GRIN2A: variants seen among roughly 807,000 people sequenced by gnomAD.
The protein encoded by GRIN2A is glutamate receptor ionotropic, NMDA 2A.
A neutral mutation model predicts 113.4 loss-of-function variants in GRIN2A; 22 were observed. The observed-to-expected ratio is 0.19, with a 90% CI of 0.14 to 0.28. GRIN2A has a LOEUF of 0.28. GRIN2A is among the 10% of genes least tolerant of loss of function. The probability of loss-of-function intolerance (pLI) is 1.00; values close to 1 mark genes in which losing one functional copy is unlikely to be tolerated. For synonymous variants in GRIN2A, 827 were observed against 738.4 expected (o/e 1.12, Z -1.94); for missense variants, 1,502 against 1,887.0 (o/e 0.80, Z 3.78).
At chr16:9,917,553 T>G (rs1353110481) in intron 3 of GRIN2A, among the ~76,000 whole-genome samples, 1 of 152,252 alleles carries the variant, frequency 6.6e-6, no homozygotes, top group East Asian at 1.9e-4. Context: ...AATGCACCAC[T>G]GTTCTACTGC....
In GRIN2A at chr16:10,062,142, T is replaced by A. The variant is rs566922386; in HGVS notation, c.414+117856A>T. On this transcript the variant is annotated intron_variant, in intron 2 of 12. Coordinates refer to ENST00000330684, the MANE Select transcript of GRIN2A (RefSeq NM_001134407.3). ...CGGTACTTGCTGACTTCTCCACTGA[T>A]GTACATACCTTCTTTATGGATTGCG... Among the ~76,000 whole-genome samples the A allele has an allele frequency of 2.0e-5, 3 of 152,300 alleles. No homozygotes were observed. In the South Asian group the frequency reaches 6.2e-4, roughly 32 times the overall value.
At chr16:9,917,043 C>A (rs141967692) in intron 3 of GRIN2A, among the ~76,000 whole-genome samples, 4 of 152,320 alleles carry the variant, frequency 2.6e-5, no homozygotes, top group African/African-American at 9.6e-5. Flanking sequence ...ACCTTATAAA[C>A]ACTAAAATAT....
At chr16:9,845,132 G>C (rs1026418000) in intron 5 of GRIN2A, among the ~76,000 whole-genome samples, 3 of 152,022 alleles carry the variant, frequency 2.0e-5, no homozygotes, top group African/African-American at 7.2e-5. Context: ...ATTTCATCCA[G>C]ACACAGTAAA....
At chr16:10,137,901 G>A (rs1453078906) in intron 2 of GRIN2A, among the ~76,000 whole-genome samples, 3 of 152,182 alleles carry the variant, frequency 2.0e-5, no homozygotes, top group African/African-American at 7.2e-5. Flanking sequence ...CCTAGATACT[G>A]AACATGATCT....
chr16:9,963,963 G>A (rs1377846272), intron 2 of GRIN2A, among the ~76,000 whole-genome samples: 2 of 152,188 alleles, frequency 1.3e-5, no homozygotes, highest in African/African-American at 4.8e-5. Flanking sequence ...CTAGTGGACA[G>A]ACAGACACAA....
At chr16:9,869,370 T>C in intron 4 of GRIN2A, among the ~76,000 whole-genome samples, 1 of 151,952 alleles carries the variant, frequency 6.6e-6, no homozygotes, top group South Asian at 2.1e-4. Context: ...GAGGAAGAGG[T>C]TGCAATGAGC....
At chr16:10,079,890 G>A (rs1484977742) in intron 2 of GRIN2A, among the ~76,000 whole-genome samples, 1 of 152,172 alleles carries the variant, frequency 6.6e-6, no homozygotes, top group Non-Finnish European at 1.5e-5. Context: ...ATTTTTATGT[G>A]TTTGTATCAG....
At chr16:9,920,727 C>T (rs562281065) in intron 3 of GRIN2A, among the ~76,000 whole-genome samples, 58 of 152,056 alleles carry the variant, frequency 3.8e-4, no homozygotes, top group Non-Finnish European at 6.8e-4. Context: ...CCACCACTCC[C>T]GGCTAATTTT....
chr16:9,817,772 C>G (rs948293332), intron 10 of GRIN2A, among the ~76,000 whole-genome samples: 6 of 152,216 alleles, frequency 3.9e-5, no homozygotes, highest in African/African-American at 1.2e-4. Context: ...CACAATTTCA[C>G]TGACCCTGGT....
chr16:9,942,931 A>G (rs1245205075), intron 2 of GRIN2A, among the ~76,000 whole-genome samples: 1 of 152,208 alleles, frequency 6.6e-6, no homozygotes, highest in Non-Finnish European at 1.5e-5. Context: ...TTTGCAAAAT[A>G]TAATTGCATA....
chr16:10,102,780 T>C (rs546079411), intron 2 of GRIN2A, among the ~76,000 whole-genome samples: 1 of 152,270 alleles, frequency 6.6e-6, no homozygotes, highest in South Asian at 2.1e-4. Flanking sequence ...AGGTAACTTG[T>C]CTAAGACCAC....
chr16:9,810,126 C>G (rs1773855093), intron 10 of GRIN2A, among the ~76,000 whole-genome samples: 1 of 152,140 alleles, frequency 6.6e-6, no homozygotes, highest in Non-Finnish European at 1.5e-5. Context: ...GACCAGGAGG[C>G]AGGGGATAGG....
intron 2 of GRIN2A, among the ~76,000 whole-genome samples, chr16:10,043,374 G>T (rs1047262642): frequency 6.6e-6 from 1 of 152,128 alleles, no homozygotes; most frequent in Admixed American, 6.5e-5. Context: ...AAGCACCCCA[G>T]GATTTGCTCA....
At chr16:10,081,479 A>G (rs2047981605) in intron 2 of GRIN2A, among the ~76,000 whole-genome samples, 1 of 152,234 alleles carries the variant, frequency 6.6e-6, no homozygotes, top group Non-Finnish European at 1.5e-5. Flanking sequence ...GGAAATGGCA[A>G]GAACAAGCAC....
intron 2 of GRIN2A, among the ~76,000 whole-genome samples, chr16:9,968,584 A>G (rs1463199997): frequency 1.3e-5 from 2 of 152,158 alleles, no homozygotes; most frequent in East Asian, 3.9e-4. Context: ...AAGTGCTGGA[A>G]TTACAGGCAT....
At chr16:10,009,806 CT>C (rs2046472237) in intron 2 of GRIN2A, among the ~76,000 whole-genome samples, 1 of 152,150 alleles carries the variant, frequency 6.6e-6, no homozygotes, top group African/African-American at 2.4e-5. Flanking sequence ...AAAACTAGCT[CT>C]GTTCCTGCAT....
intron 2 of GRIN2A, among the ~76,000 whole-genome samples, chr16:9,941,803 T>A (rs2044885764): frequency 6.6e-6 from 1 of 152,168 alleles, no homozygotes. Flanking sequence ...GCTCCTCACT[T>A]TCTAGGTGCT....
chr16:10,006,722 G>A (rs137884859), intron 2 of GRIN2A, among the ~76,000 whole-genome samples: 3 of 151,938 alleles, frequency 2.0e-5, no homozygotes, highest in African/African-American at 2.4e-5. Flanking sequence ...TAGATCTTAC[G>A]CATTCCATCT....
At chr16:10,121,373 C>T (rs1321851767) in intron 2 of GRIN2A, 2 of 152,144 alleles carry the variant, frequency 1.3e-5, no homozygotes, top group Non-Finnish European at 2.9e-5. Flanking sequence ...GGTCCTCAAG[C>T]TTAGAAGCTG....
Sources: allele counts gnomAD v4.1 joint callset (sites outside exome capture counted in the v4.1 genomes callset), GRCh38; gene constraint gnomAD v4.1.1; transcripts MANE v1.5; gene names NCBI Gene and HGNC (gene_info 2026-07-23, HGNC 2026-07-21).